Variants in NAALADL2 observed in about 807,000 individuals in gnomAD.
NAALADL2 encodes the protein inactive N-acetylated-alpha-linked acidic dipeptidase-like protein 2.
Under a neutral mutation model 87.2 loss-of-function variants are expected in NAALADL2, and 76 were observed. That is an observed-to-expected ratio of 0.87 (90% CI 0.72 to 1.05). NAALADL2 has a LOEUF of 1.05. Ranked by LOEUF, NAALADL2 falls within the 50% of genes least tolerant of loss-of-function variation. The pLI is 0.00. For missense variants in NAALADL2, 1,089 were observed against 945.8 expected, an observed-to-expected ratio of 1.15 and a Z score of -1.99; for synonymous variants, 354 against 331.0, an observed-to-expected ratio of 1.07 and a Z score of -0.75.
chr3:174,973,121 T>G (rs1034299233), intron 1 of NAALADL2, among the ~76,000 whole-genome samples: 3 of 152,200 alleles, frequency 2.0e-5, no homozygotes, highest in Non-Finnish European at 4.4e-5. Context: ...ATTTACACAC[T>G]GGCTTTATCT....
intron 9 of NAALADL2, among the ~76,000 whole-genome samples, chr3:175,537,972 G>A (rs769087366): frequency 2.0e-5 from 3 of 152,090 alleles, no homozygotes; most frequent in Non-Finnish European, 4.4e-5. Flanking sequence ...AATTTAAACT[G>A]GCAAGGATAA....
chr3:174,910,295 A>G (rs1489929537), intron 1 of NAALADL2, among the ~76,000 whole-genome samples: 1 of 152,104 alleles, frequency 6.6e-6, no homozygotes, highest in Non-Finnish European at 1.5e-5. Flanking sequence ...ATGCTAACTT[A>G]AAGTCTTTGT....
intron 10 of NAALADL2, among the ~76,000 whole-genome samples, chr3:175,618,417 G>C (rs763254104): frequency 7.9e-5 from 12 of 152,176 alleles, no homozygotes; most frequent in Non-Finnish European, 1.8e-4. Flanking sequence ...TGATTCCCCT[G>C]CTGGAGACAT....
At chr3:174,673,554 A>G (rs1186158298) in intron 2 of NAALADL2, among the ~76,000 whole-genome samples, 1 of 151,878 alleles carries the variant, frequency 6.6e-6, no homozygotes, top group Non-Finnish European at 1.5e-5. Context: ...ACAGAAAAAC[A>G]AATATTACAA....
chr3:175,003,864 T>TTCTG (rs1748598663), intron 1 of NAALADL2, among the ~76,000 whole-genome samples: 1 of 152,156 alleles, frequency 6.6e-6, no homozygotes, highest in Non-Finnish European at 1.5e-5. Flanking sequence ...GCAGTGTGCA[T>TTCTG]TCACAACAGA....
chr3:174,514,989 A>G (rs1197861057), intron 1 of NAALADL2, among the ~76,000 whole-genome samples: 1 of 152,142 alleles, frequency 6.6e-6, no homozygotes, highest in Non-Finnish European at 1.5e-5. Flanking sequence ...GAAATTACTT[A>G]TAAAGAATGT....
At chr3:174,882,568 C>A (rs1470577096) in intron 1 of NAALADL2, among the ~76,000 whole-genome samples, 2 of 139,660 alleles carry the variant, frequency 1.4e-5, no homozygotes, top group Non-Finnish European at 3.0e-5. Flanking sequence ...TGTATATATA[C>A]ATATGTGCTT....
At chr3:175,664,628 AT>A (rs542591655) in intron 11 of NAALADL2, among the ~76,000 whole-genome samples, 205 of 152,036 alleles carry the variant, frequency 1.3e-3, no homozygotes, top group Non-Finnish European at 2.3e-3. Flanking sequence ...TGTATTTTTG[AT>A]TTTTTTTGTA....
intron 8 of NAALADL2, among the ~76,000 whole-genome samples, chr3:175,470,391 T>C (rs986060710): frequency 3.3e-5 from 5 of 152,106 alleles, no homozygotes; most frequent in African/African-American, 4.8e-5. Flanking sequence ...TTTGGGGTGA[T>C]GAATATGTTA....
chr3:175,286,383 G>T (rs73184724), intron 4 of NAALADL2, among the ~76,000 whole-genome samples: 1 of 152,140 alleles, frequency 6.6e-6, no homozygotes, highest in Non-Finnish European at 1.5e-5. Context: ...TAACTTCAAG[G>T]TTATAGTGTG....
chr3:174,800,148 G>A (rs1161429309), intron 3 of NAALADL2, among the ~76,000 whole-genome samples: 2 of 152,196 alleles, frequency 1.3e-5, no homozygotes, highest in African/African-American at 4.8e-5. Context: ...ATTTTCTGAT[G>A]AGAAATTCAA....
In NAALADL2 at chr3:175,804,184, T is replaced by C. The variant is rs1754502026; in HGVS notation, c.*981T>C. On this transcript the variant is annotated 3_prime_UTR_variant, in exon 14 of 14. Transcript: ENST00000454872. ...TGTCTTCTAAAGAATCAAATTTCTA[T>C]TTCTGCCTCTGACAAAAAGAACTTA... The C allele has an allele frequency of 1.3e-5, 2 of 152,012 alleles. No individual in the cohort carries two copies. The highest frequency in any genetic ancestry group is 4.1e-4 in the South Asian group (2 of 4,828). The allele number at this position is 152,012 out of a possible 1,614,324, so 9.4% of individuals were successfully genotyped here.
At chr3:175,740,402 C>G (rs1326377187) in intron 12 of NAALADL2, among the ~76,000 whole-genome samples, 1 of 152,098 alleles carries the variant, frequency 6.6e-6, no homozygotes, top group African/African-American at 2.4e-5. Flanking sequence ...GTCATTTGAA[C>G]CAGAGTGACT....
intron 5 of NAALADL2, among the ~76,000 whole-genome samples, chr3:175,377,122 G>A (rs949338553): frequency 6.6e-6 from 1 of 152,038 alleles, no homozygotes; most frequent in African/African-American, 2.4e-5. Context: ...AACCCTCCCT[G>A]GCCAACATGG....
chr3:174,775,677 C>T (rs983208594), intron 3 of NAALADL2, among the ~76,000 whole-genome samples: 1 of 151,936 alleles, frequency 6.6e-6, no homozygotes, highest in Non-Finnish European at 1.5e-5. Flanking sequence ...CCACAGGGTC[C>T]TCCAGAACAA....
intron 5 of NAALADL2, among the ~76,000 whole-genome samples, chr3:175,438,679 T>C (rs929657772): frequency 6.6e-6 from 1 of 152,020 alleles, no homozygotes; most frequent in African/African-American, 2.4e-5. Context: ...AACCAAGAAA[T>C]GAAAAATGTA....
intron 2 of NAALADL2, among the ~76,000 whole-genome samples, chr3:174,693,745 T>C (rs1560149605): frequency 6.6e-6 from 1 of 152,092 alleles, no homozygotes; most frequent in African/African-American, 2.4e-5. Flanking sequence ...AGGAGGAAAG[T>C]TTAAAAGTTA....
At chr3:174,906,393 A>G (rs1732961826) in intron 1 of NAALADL2, among the ~76,000 whole-genome samples, 1 of 152,098 alleles carries the variant, frequency 6.6e-6, no homozygotes, top group South Asian at 2.1e-4. Flanking sequence ...AATAGAATAC[A>G]GAATGATTGA....
At chr3:175,787,979 C>G (rs1196998169) in intron 13 of NAALADL2, among the ~76,000 whole-genome samples, 2 of 151,868 alleles carry the variant, frequency 1.3e-5, no homozygotes, top group Non-Finnish European at 2.9e-5. Flanking sequence ...ATAGTAATGT[C>G]CTAGGGCTTC....
Sources: allele counts gnomAD v4.1 joint callset (sites outside exome capture counted in the v4.1 genomes callset), GRCh38; gene constraint gnomAD v4.1.1; transcripts MANE v1.5; gene names NCBI Gene and HGNC (gene_info 2026-07-23, HGNC 2026-07-21).